Variants in TTC39B observed in about 807,000 individuals in gnomAD.
TTC39B encodes the protein tetratricopeptide repeat domain 39B, also known as tetratricopeptide repeat protein 39B.
Under a neutral mutation model 96.6 loss-of-function variants are expected in TTC39B, and 92 were observed. The observed-to-expected ratio is 0.95, with a 90% CI of 0.80 to 1.13. TTC39B has a LOEUF of 1.13. TTC39B is among the 50% of genes most tolerant of loss of function. TTC39B has a pLI of 0.00. For synonymous variants in TTC39B, 367 were observed against 299.4 expected (o/e 1.23, Z -2.33); for missense variants, 955 against 809.3 (o/e 1.18, Z -2.18).
At chr9:15,291,255 C>A (rs1265432105) in intron 1 of TTC39B, among the ~76,000 whole-genome samples, 1 of 152,142 alleles carries the variant, frequency 6.6e-6, no homozygotes, top group Non-Finnish European at 1.5e-5. Flanking sequence ...GGGAGGGACC[C>A]AGTGGGAGGG....
At chr9:15,294,850 C>A (rs565203571) in intron 1 of TTC39B, among the ~76,000 whole-genome samples, 1 of 152,324 alleles carries the variant, frequency 6.6e-6, no homozygotes, top group East Asian at 1.9e-4. Context: ...CTGGGCCCCC[C>A]ACGATAAGCG....
chr9:15,237,446 T>G (rs1320735420), intron 2 of TTC39B, among the ~76,000 whole-genome samples: 1 of 151,466 alleles, frequency 6.6e-6, no homozygotes, highest in Non-Finnish European at 1.5e-5. Flanking sequence ...ATGATAAAGG[T>G]GATATTACAA....
chr9:15,255,974 C>T (rs1158913463), intron 2 of TTC39B, among the ~76,000 whole-genome samples: 1 of 152,130 alleles, frequency 6.6e-6, no homozygotes, highest in Non-Finnish European at 1.5e-5. Context: ...TAGCAGTCTA[C>T]TCTGAGGATC....
chr9:15,244,015 T>C (rs987415576), intron 2 of TTC39B, among the ~76,000 whole-genome samples: 2 of 152,248 alleles, frequency 1.3e-5, no homozygotes, highest in Non-Finnish European at 2.9e-5. Flanking sequence ...CCCATAGTCA[T>C]AGCAAATTAC....
chr9:15,287,392 T>C (rs1824011641), intron 1 of TTC39B, among the ~76,000 whole-genome samples: 1 of 152,174 alleles, frequency 6.6e-6, no homozygotes, highest in Non-Finnish European at 1.5e-5. Flanking sequence ...AACAGGTCAG[T>C]CGTAACAGAG....
At chr9:15,243,113 G>A (rs1203492584) in intron 2 of TTC39B, among the ~76,000 whole-genome samples, 2 of 152,206 alleles carry the variant, frequency 1.3e-5, no homozygotes, top group Non-Finnish European at 2.9e-5. Context: ...CCAGACAGGG[G>A]CCATCTGTAC....
intron 1 of TTC39B, among the ~76,000 whole-genome samples, chr9:15,279,887 C>CT (rs1563784573): frequency 2.9e-4 from 39 of 136,700 alleles, no homozygotes; most frequent in African/African-American, 6.1e-4. Flanking sequence ...TACTTTTTTT[C>CT]TTTTCTTTTT....
In TTC39B at chr9:15,190,679, C is replaced by T; in HGVS notation, c.997-17G>A. On this transcript the variant is annotated splice_polypyrimidine_tract_variant and intron_variant, in intron 10 of 19. Transcript: ENST00000512701. ...GCCCAACTCCTATGGGAATTAAATG[C>T]ATTTTTAGAAAGAGAACAAGACTGG... 6.3e-7 allele frequency: 1 copy of T among 1,594,914 alleles called. No homozygotes were observed. The highest frequency in any genetic ancestry group is 8.6e-7 in the Non-Finnish European group (1 of 1,163,438).
At chr9:15,295,347 G>A (rs554684182) in intron 1 of TTC39B, among the ~76,000 whole-genome samples, 43 of 152,306 alleles carry the variant, frequency 2.8e-4, no homozygotes, top group African/African-American at 9.6e-4. Flanking sequence ...TAGGCAGGAG[G>A]TGGGCAGGCT....
exon 19 of TTC39B, chr9:15,175,095 T>C (rs1817860389): frequency 1.2e-6 from 2 of 1,613,484 alleles, no homozygotes; most frequent in African/African-American, 2.7e-5. Flanking sequence ...TCAAATAGAG[T>C]GAACGGCACT....
chr9:15,192,720 G>C, intron 8 of TTC39B, 25 bp from the exon 9 acceptor site: 1 of 1,529,052 alleles, frequency 6.5e-7, no homozygotes, highest in Non-Finnish European at 9.0e-7. Context: ...AAAAGTGACA[G>C]CATAAGTTGA....
intron 1 of TTC39B, among the ~76,000 whole-genome samples, chr9:15,269,689 T>TAAAAAATACA (rs560439128): frequency 0.018 from 2,677 of 150,416 alleles, 29 homozygotes; most frequent in Non-Finnish European, 0.027. Flanking sequence ...CTCTCTCTAC[T>TAAAAAATACA]AAAAAATACA....
chr9:15,286,858 T>C (rs1823992059), intron 1 of TTC39B, among the ~76,000 whole-genome samples: 1 of 152,186 alleles, frequency 6.6e-6, no homozygotes, highest in Non-Finnish European at 1.5e-5. Context: ...CCCGTAATAC[T>C]CCACTGTTCT....
intron 2 of TTC39B, among the ~76,000 whole-genome samples, chr9:15,247,005 G>A (rs1822308439): frequency 6.6e-6 from 1 of 152,232 alleles, no homozygotes; most frequent in African/African-American, 2.4e-5. Context: ...TGCATCATGA[G>A]AAACAAATGA....
intron 14 of TTC39B, 37 bp from the exon 15 acceptor site, chr9:15,187,072 T>C: frequency 6.8e-7 from 1 of 1,480,712 alleles, no homozygotes; most frequent in Non-Finnish European, 9.2e-7. Flanking sequence ...AGAACATCCC[T>C]AGGTAAATGA....
intron 1 of TTC39B, among the ~76,000 whole-genome samples, chr9:15,288,864 G>A (rs1444120706): frequency 1.3e-5 from 2 of 152,186 alleles, no homozygotes; most frequent in Admixed American, 1.3e-4. Flanking sequence ...CCCATAAGGG[G>A]TTTGAGCATG....
At chr9:15,216,129 G>A (rs1161090912) in intron 3 of TTC39B, among the ~76,000 whole-genome samples, 1 of 152,112 alleles carries the variant, frequency 6.6e-6, no homozygotes, top group Non-Finnish European at 1.5e-5. Context: ...ATCCCATCCT[G>A]TCTCAGGGTT....
At chr9:15,238,941 G>A (rs1338168459) in intron 2 of TTC39B, among the ~76,000 whole-genome samples, 2 of 152,140 alleles carry the variant, frequency 1.3e-5, no homozygotes, top group African/African-American at 2.4e-5. Flanking sequence ...AGCCAAGATC[G>A]CACCACTGCA....
intron 13 of TTC39B, 63 bp downstream of exon 13, chr9:15,189,511 G>C: frequency 6.4e-7 from 1 of 1,560,468 alleles, no homozygotes; most frequent in Non-Finnish European, 8.8e-7. Context: ...GTAGGTCACA[G>C]CGACTCATGT....
Sources: allele counts gnomAD v4.1 joint callset (sites outside exome capture counted in the v4.1 genomes callset), GRCh38; gene constraint gnomAD v4.1.1; transcripts MANE v1.5; gene names NCBI Gene and HGNC (gene_info 2026-07-23, HGNC 2026-07-21).